Variants in QSOX2 observed in about 807,000 individuals in gnomAD.
QSOX2 encodes quiescin sulfhydryl oxidase 2, also known as sulfhydryl oxidase 2.
In QSOX2, 46 loss-of-function variants were observed where a neutral mutation model predicts 61.7. That is an observed-to-expected ratio of 0.75 (90% CI 0.59 to 0.95). The LOEUF is 0.95. Among genes scored for constraint, QSOX2 ranks in the 40% least tolerant of loss-of-function variants. The probability of loss-of-function intolerance (pLI) is 0.00; values close to 1 mark genes in which losing one functional copy is unlikely to be tolerated. For missense variants in QSOX2, 879 were observed against 918.9 expected (o/e 0.96, Z 0.56); for synonymous variants, 383 against 388.4 (o/e 0.99, Z 0.16).
At chr9:136,230,874 C>T (rs1030510178) in intron 1 of QSOX2, among the ~76,000 whole-genome samples, 23 of 152,308 alleles carry the variant, frequency 1.5e-4, no homozygotes, top group Non-Finnish European at 1.0e-4. Context: ...TCCCACCACC[C>T]CTGGGCCTCT....
chr9:136,213,216 C>A (rs114045896), intron 10 of QSOX2, among the ~76,000 whole-genome samples: 2,580 of 150,512 alleles, frequency 0.017, 64 homozygotes, highest in African/African-American at 0.059. Flanking sequence ...CTAACTCAGG[C>A]TCACGCTTCA....
At chr9:136,233,358 G>A (rs1394272188) in intron 1 of QSOX2, among the ~76,000 whole-genome samples, 2 of 152,194 alleles carry the variant, frequency 1.3e-5, no homozygotes, top group African/African-American at 4.8e-5. Flanking sequence ...CAACACCGAA[G>A]GCTTCATCAG....
Position 136,219,180 on chromosome 9 carries a change from G to A in QSOX2, c.822-16C>T, listed in dbSNP as rs760938760. On this transcript the variant is annotated splice_polypyrimidine_tract_variant and intron_variant, in intron 6 of 11. Coordinates refer to ENST00000358701, the MANE Select transcript of QSOX2 (RefSeq NM_181701.4). ...AGGCTTCACGCTGTGAGAGAGGGGA[G>A]GGCAAAGGTGAGAAGAGCCTCCTTT... The A allele has an allele frequency of 6.2e-7, 1 of 1,609,456 alleles. No individual in the cohort carries two copies. The highest frequency in any genetic ancestry group is 1.1e-5 in the South Asian group (1 of 90,830).
chr9:136,228,255 T>C (rs1231383213), intron 1 of QSOX2, among the ~76,000 whole-genome samples: 1 of 152,152 alleles, frequency 6.6e-6, no homozygotes, highest in Non-Finnish European at 1.5e-5. Flanking sequence ...AATGGTGACG[T>C]GTCATCTCTC....
In QSOX2 at chr9:136,209,132, C is replaced by T. The variant is rs374591343; in HGVS notation, c.1693G>A (p.Asp565Asn). 6.2e-6 allele frequency: 10 copies of T among 1,614,180 alleles called. No individual in the cohort carries two copies. Among genetic ancestry groups the T allele is most frequent in the South Asian group, 1.1e-5 (1 of 91,086 alleles). ...GCGGAATACGTGTCTAAGAGGTTGTCGCGGCCATAGTGCTGCTTCAAGAAT... is the reference window on the plus strand; with the variant it reads ...GCGGAATACGTGTCTAAGAGGTTGTTGCGGCCATAGTGCTGCTTCAAGAAT... ...LTFLKQHYGR[D>N]NLLDTYSADQ... The change falls in exon 12 of 12, where the codon GAC becomes AAC. Residue 565 changes from aspartate (D) to asparagine (N), a missense_variant. Coordinates refer to ENST00000358701, the MANE Select transcript of QSOX2 (RefSeq NM_181701.4). The surrounding 1 kb of genome is among the most constrained non-coding windows in gnomAD (Gnocchi z 5.6).
chr9:136,229,091 A>C (rs2131062174), intron 1 of QSOX2, among the ~76,000 whole-genome samples: 1 of 152,348 alleles, frequency 6.6e-6, no homozygotes, highest in South Asian at 2.1e-4. Flanking sequence ...TAATTTAAAA[A>C]TAAAAAAGAA....
At chr9:136,211,725 G>A (rs144939299) in intron 10 of QSOX2, among the ~76,000 whole-genome samples, 507 of 152,370 alleles carry the variant, frequency 3.3e-3, no homozygotes, top group Admixed American at 5.9e-3. Flanking sequence ...CCAGGAGGAT[G>A]AGCCACGGAC....
At position 136,222,720 on chromosome 9, in the gene QSOX2, G is replaced by A. The variant is rs1051493741; in HGVS notation, c.676-779C>T. On this transcript the variant is annotated intron_variant, in intron 5 of 11. Coordinates refer to ENST00000358701, the MANE Select transcript of QSOX2 (RefSeq NM_181701.4). The surrounding 1 kb of genome is among the most constrained non-coding windows in gnomAD (Gnocchi z 6.9). ...CGAGTGGAGCCTGGCTGCCCCGAAC[G>A]CACCAGCATGCCAGGCAGGTAGGGG... Among the ~76,000 whole-genome samples, 4 of 152,184 alleles carry A rather than the reference G, an allele frequency of 2.6e-5. No homozygotes were observed. The highest frequency in any genetic ancestry group is 2.1e-4 in the South Asian group (1 of 4,832).
chr9:136,236,388 A>G (rs558839421), intron 1 of QSOX2, among the ~76,000 whole-genome samples: 1 of 152,386 alleles, frequency 6.6e-6, no homozygotes, highest in South Asian at 2.1e-4. Flanking sequence ...AGGTATCTGA[A>G]ACAGGACGCC....
At chr9:136,210,202 A>G (rs1831828664) in intron 11 of QSOX2, 5 of 985,494 alleles carry the variant, frequency 5.1e-6, no homozygotes, top group Non-Finnish European at 6.0e-6. Context: ...GGACTGTCAA[A>G]TAAGGCGCCA....
At chr9:136,236,428 A>C (rs1830382015) in intron 1 of QSOX2, among the ~76,000 whole-genome samples, 1 of 152,226 alleles carries the variant, frequency 6.6e-6, no homozygotes, top group Non-Finnish European at 1.5e-5. Context: ...TGCCAGCTTA[A>C]ATAAAGGAGA....
At position 136,207,361 on chromosome 9, in the gene QSOX2, T is replaced by TCACA. The variant is rs1327058384; in HGVS notation, c.*1366_*1367insTGTG. The TCACA allele has an allele frequency of 1.4e-4, 10 of 69,022 alleles. No individual in the cohort carries two copies. In the South Asian group the frequency reaches 1.9e-3, roughly 13 times the overall value. The allele number at this position is 69,022 out of a possible 1,614,324, so 4.3% of individuals were successfully genotyped here. A position where few individuals can be genotyped will look rare whatever the true frequency, so the allele number is the denominator to read the frequency against. ...ACAACCGTCAAAGTCTCTCTCTCTC[T>TCACA]CATACACACACACACACACACACAC... On this transcript the variant is annotated 3_prime_UTR_variant, in exon 12 of 12. Transcript: ENST00000358701.
chr9:136,245,362 G>C lies in QSOX2; in HGVS notation c.328+114C>G, dbSNP rs1376174908. 5 of 877,404 alleles carry C rather than the reference G, an allele frequency of 5.7e-6. No individual in the cohort carries two copies. The East Asian group carries it at 1.5e-4, about 26-fold the overall frequency. The allele number at this position is 877,404 out of a possible 1,614,324, so 54.4% of individuals were successfully genotyped here. A position where few individuals can be genotyped will look rare whatever the true frequency, so the allele number is the denominator to read the frequency against. Reference sequence around the variant, plus strand: ...GGGGCAGGGACTGGCTCTGCGGTAAGGAAAGAAATACGGGGGAGGGGCCCC... The same window carrying C: ...GGGGCAGGGACTGGCTCTGCGGTAACGAAAGAAATACGGGGGAGGGGCCCC... On this transcript the variant is annotated intron_variant, in intron 1 of 11. Coordinates refer to ENST00000358701, the MANE Select transcript of QSOX2 (RefSeq NM_181701.4).
At chr9:136,219,904 C>T (rs977274058) in intron 6 of QSOX2, among the ~76,000 whole-genome samples, 3 of 152,266 alleles carry the variant, frequency 2.0e-5, no homozygotes, top group Admixed American at 2.0e-4. Context: ...AAGTGCAGTG[C>T]TGTGCCCCAG....
At chr9:136,229,869 A>G (rs1007548992) in intron 1 of QSOX2, among the ~76,000 whole-genome samples, 1 of 152,204 alleles carries the variant, frequency 6.6e-6, no homozygotes, top group African/African-American at 2.4e-5. Context: ...CTTCCCGTAG[A>G]TCTTGGTACA....
chr9:136,217,940 A>C (rs1299113181), intron 8 of QSOX2, among the ~76,000 whole-genome samples: 4 of 152,146 alleles, frequency 2.6e-5, no homozygotes, highest in Non-Finnish European at 5.9e-5. Flanking sequence ...ACTTTTCACA[A>C]ATCACTTTGT....
At chr9:136,224,731 C>A (rs1439115085) in intron 3 of QSOX2, 130 bp downstream of exon 3, 2 of 543,008 alleles carry the variant, frequency 3.7e-6, no homozygotes, top group Non-Finnish European at 6.6e-6. Context: ...TAAGGGAAAG[C>A]AGGCAGGAAG....
intron 3 of QSOX2, among the ~76,000 whole-genome samples, chr9:136,224,557 T>C (rs1830261603): frequency 6.6e-6 from 1 of 152,174 alleles, no homozygotes; most frequent in Admixed American, 6.5e-5. Flanking sequence ...CTGGGTGGGA[T>C]CATTTGTAAA....
chr9:136,245,427 G>A (rs1281907009), intron 1 of QSOX2, 49 bp downstream of exon 1: 3 of 1,501,652 alleles, frequency 2.0e-6, no homozygotes, highest in Non-Finnish European at 8.9e-7. Context: ...GGTCCCGGAA[G>A]GCCGCGGTCC....
Sources: allele counts gnomAD v4.1 joint callset (sites outside exome capture counted in the v4.1 genomes callset), GRCh38; gene constraint gnomAD v4.1.1; non-coding constraint Gnocchi (gnomAD v3.1); transcripts MANE v1.5; gene names NCBI Gene and HGNC (gene_info 2026-07-23, HGNC 2026-07-21).